KLHL32: variants seen among roughly 807,000 people sequenced by gnomAD.
KLHL32 encodes the protein kelch like family member 32.
Under a neutral mutation model 64.8 loss-of-function variants are expected in KLHL32, and 35 were observed. The ratio of observed to expected loss-of-function variants is 0.54; its 90% confidence interval spans 0.41 to 0.72. The LOEUF (loss-of-function observed/expected upper bound fraction) is 0.72. KLHL32 is among the 30% of genes least tolerant of loss of function. The pLI is 0.00. For synonymous variants in KLHL32, 259 were observed against 281.0 expected (o/e 0.92, Z 0.78); for missense variants, 589 against 768.5 (o/e 0.77, Z 2.76).
At chr6:96,959,080 G>T (rs1309821307) in intron 1 of KLHL32, among the ~76,000 whole-genome samples, 1 of 152,178 alleles carries the variant, frequency 6.6e-6, no homozygotes, top group Non-Finnish European at 1.5e-5. Context: ...TCCAAGAGTG[G>T]TGGGGTTTAG....
chr6:96,987,313 T>G (rs1777234692), intron 3 of KLHL32, among the ~76,000 whole-genome samples: 2 of 152,142 alleles, frequency 1.3e-5, no homozygotes, highest in African/African-American at 4.8e-5. Context: ...GGGTGTCAAT[T>G]TTAGATCTCT....
Position 97,120,908 on chromosome 6 carries a change from C to T in KLHL32, c.1354+6399C>T, listed in dbSNP as rs116024501. ...TCACTTGTGCCCCAATCTTTCCTACCTCCCATCTGAAAGAGATGAAAACAA... is the reference window on the plus strand; with the variant it reads ...TCACTTGTGCCCCAATCTTTCCTACTTCCCATCTGAAAGAGATGAAAACAA... On this transcript the variant is annotated intron_variant, in intron 7 of 10. Coordinates refer to ENST00000369261, the MANE Select transcript of KLHL32 (RefSeq NM_052904.4). Among the ~76,000 whole-genome samples, 592 of 152,206 alleles carry T rather than the reference C, an allele frequency of 3.9e-3. 2 individuals are homozygous for T. The highest frequency in any genetic ancestry group is 0.014 in the African/African-American group (561 of 41,536).
At chr6:97,075,125 A>G (rs1204417629) in intron 5 of KLHL32, among the ~76,000 whole-genome samples, 1 of 152,196 alleles carries the variant, frequency 6.6e-6, no homozygotes, top group Non-Finnish European at 1.5e-5. Flanking sequence ...ATGAAAATGT[A>G]CTAGTAACCT....
Position 97,110,048 on chromosome 6 carries a change from A to G in KLHL32, c.628-3735A>G, listed in dbSNP as rs141925909. Among the ~76,000 whole-genome samples, 56 of 152,328 alleles carry G rather than the reference A, an allele frequency of 3.7e-4. No homozygotes were observed. In the East Asian group the frequency reaches 9.8e-3, roughly 27 times the overall value. On this transcript the variant is annotated intron_variant, in intron 6 of 10. Transcript: ENST00000369261. ...TTGCTGAACAATCTCCCCAGAAATAATTGGAACCCCGTGTCTTGAAAATTC... is the reference window on the plus strand; with the variant it reads ...TTGCTGAACAATCTCCCCAGAAATAGTTGGAACCCCGTGTCTTGAAAATTC...
At chr6:96,913,879 G>C in the KLHL32 span, among the ~76,000 whole-genome samples, 7 of 152,168 alleles carry the variant, frequency 4.6e-5, no homozygotes, top group Non-Finnish European at 8.8e-5. Flanking sequence ...AAAGTCTATG[G>C]ATAGATTATA....
chr6:97,103,114 G>A (rs1795942981), intron 6 of KLHL32, among the ~76,000 whole-genome samples: 1 of 151,182 alleles, frequency 6.6e-6, no homozygotes, highest in South Asian at 2.1e-4. Context: ...GTATATAAAT[G>A]TAAATATACC....
At chr6:96,956,054 G>T (rs1773220141) in intron 1 of KLHL32, among the ~76,000 whole-genome samples, 1 of 152,174 alleles carries the variant, frequency 6.6e-6, no homozygotes, top group African/African-American at 2.4e-5. Flanking sequence ...CATACTGGAA[G>T]GTGAAAGGCA....
intron 1 of KLHL32, among the ~76,000 whole-genome samples, chr6:96,933,834 A>G (rs1345064927): frequency 6.6e-6 from 1 of 152,130 alleles, no homozygotes; most frequent in African/African-American, 2.4e-5. Flanking sequence ...CAGTACTGAA[A>G]ATCTCTCACT....
At chr6:97,094,481 T>C (rs1474144573) in intron 6 of KLHL32, among the ~76,000 whole-genome samples, 2 of 152,190 alleles carry the variant, frequency 1.3e-5, no homozygotes, top group African/African-American at 4.8e-5. Flanking sequence ...GAGATCATAA[T>C]CAGGAGAAGC....
intron 3 of KLHL32, among the ~76,000 whole-genome samples, chr6:97,024,728 T>A (rs1262022122): frequency 6.6e-6 from 1 of 152,212 alleles, no homozygotes; most frequent in South Asian, 2.1e-4. Context: ...CTACATTTTA[T>A]TCTTTTATTT....
intron 3 of KLHL32, among the ~76,000 whole-genome samples, chr6:96,979,824 C>G (rs946491894): frequency 6.6e-6 from 1 of 152,116 alleles, no homozygotes; most frequent in Non-Finnish European, 1.5e-5. Flanking sequence ...TTGGTATCAT[C>G]GCTAATTTCA....
intron 2 of KLHL32, among the ~76,000 whole-genome samples, chr6:96,974,027 T>TC (rs894121102): frequency 2.6e-5 from 4 of 152,020 alleles, no homozygotes; most frequent in Non-Finnish European, 4.4e-5. Flanking sequence ...TGACTTCTTC[T>TC]CTTTTTTTTT....
At chr6:97,127,218 GA>G (rs1798966546) in intron 7 of KLHL32, among the ~76,000 whole-genome samples, 185 bp from the exon 8 acceptor site, 1 of 152,188 alleles carries the variant, frequency 6.6e-6, no homozygotes. Flanking sequence ...GATTGCTTCT[GA>G]AATGTTTCTT....
At chr6:96,907,652 T>A in the KLHL32 span, among the ~76,000 whole-genome samples, 2 of 152,240 alleles carry the variant, frequency 1.3e-5, no homozygotes, top group Non-Finnish European at 2.9e-5. Context: ...CCACATTGTT[T>A]GCTGCTCATC....
In KLHL32 at chr6:97,083,935, G is replaced by A. The variant is rs148144858; in HGVS notation, c.412-1191G>A. On this transcript the variant is annotated intron_variant, in intron 5 of 10. Transcript: ENST00000369261. ...TTAACCAAAAGGACAAAAAGCAATG[G>A]TTTTGCTTAAGACTCACAAAGCCCA... Among the ~76,000 whole-genome samples the A allele has an allele frequency of 2.6e-4, 40 of 152,260 alleles. 1 individual carries two copies. In the East Asian group the frequency reaches 7.5e-3, roughly 29 times the overall value.
chr6:96,976,902 A>G (rs1445811363), intron 3 of KLHL32, among the ~76,000 whole-genome samples: 5 of 152,068 alleles, frequency 3.3e-5, no homozygotes, highest in Admixed American at 1.3e-4. Flanking sequence ...GCCAGCCTAT[A>G]TATACTCTTA....
intron 4 of KLHL32, among the ~76,000 whole-genome samples, chr6:97,057,560 G>A (rs981326850): frequency 3.0e-5 from 4 of 132,130 alleles, no homozygotes; most frequent in African/African-American, 6.3e-5. Flanking sequence ...CCCCCCTCCC[G>A]CCCCCATTTC....
intron 3 of KLHL32, among the ~76,000 whole-genome samples, chr6:97,011,453 T>A (rs1780398533): frequency 1.3e-5 from 2 of 152,088 alleles, no homozygotes; most frequent in Non-Finnish European, 2.9e-5. Flanking sequence ...GTGGTGGGAG[T>A]GAATCTCAAA....
At chr6:97,040,289 C>T (rs185165444) in intron 3 of KLHL32, among the ~76,000 whole-genome samples, 1 of 152,046 alleles carries the variant, frequency 6.6e-6, no homozygotes, top group African/African-American at 2.4e-5. Context: ...ATTAAAGGTG[C>T]ACAAATTAGC....
Sources: allele counts gnomAD v4.1 joint callset (sites outside exome capture counted in the v4.1 genomes callset), GRCh38; gene constraint gnomAD v4.1.1; transcripts MANE v1.5; gene names NCBI Gene and HGNC (gene_info 2026-07-23, HGNC 2026-07-21).